The following CSMD2 variants were observed in gnomAD, a reference collection of about 807,000 sequenced individuals.
CSMD2 encodes CUB and sushi domain-containing protein 2.
Under a neutral mutation model 398.5 loss-of-function variants are expected in CSMD2, and 130 were observed. The ratio of observed to expected loss-of-function variants is 0.33; its 90% confidence interval spans 0.28 to 0.38. The LOEUF (loss-of-function observed/expected upper bound fraction) is 0.38, where lower values mean the gene tolerates loss of function less well. CSMD2 is among the 10% of genes least tolerant of loss of function. The pLI, the probability that CSMD2 is intolerant of heterozygous loss-of-function variation, is 1.00. For synonymous variants in CSMD2, 1,828 were observed against 1,908.5 expected (o/e 0.96, Z 1.10); for missense variants, 3,829 against 4,764.9 (o/e 0.80, Z 5.78).
intron 56 of CSMD2, among the ~76,000 whole-genome samples, chr1:33,547,467 C>T (rs1343523044): frequency 6.6e-6 from 1 of 152,216 alleles, no homozygotes; most frequent in East Asian, 1.9e-4. Context: ...CAAATGGTAA[C>T]ATCTGAGTGA....
intron 3 of CSMD2, among the ~76,000 whole-genome samples, chr1:33,946,006 C>G (rs1289955006): frequency 6.6e-6 from 1 of 152,146 alleles, no homozygotes; most frequent in Non-Finnish European, 1.5e-5. Context: ...CCGGTGTGTT[C>G]TATGATACAC....
rs748310158 is a variant in CSMD2, at chr1:33,918,291, G to A, written c.723C>T (p.Ala241=). The A allele has an allele frequency of 1.9e-6, 3 of 1,613,748 alleles. No homozygotes were observed. The highest frequency in any genetic ancestry group is 2.7e-5 in the African/African-American group (2 of 74,938). ...TCTGGCCCCGCAGGGTCCCACCACA[G>A]GCATCATCAGCTGTGGGCACAGAGA... ...FPLPSCRADD[A]CGGTLRGQSG... The change falls in exon 5 of 71, where the codon GCC becomes GCT. Residue 241 remains alanine (A), a synonymous_variant. Coordinates refer to ENST00000373381, the MANE Select transcript of CSMD2 (RefSeq NM_001281956.2).
intron 3 of CSMD2, among the ~76,000 whole-genome samples, chr1:34,023,770 A>T (rs1649253710): frequency 6.6e-6 from 1 of 152,140 alleles, no homozygotes; most frequent in South Asian, 2.1e-4. Context: ...AAATGGAGAG[A>T]AAATTACCCC....
At chr1:33,676,214 C>T (rs1266313409) in intron 25 of CSMD2, among the ~76,000 whole-genome samples, 3 of 152,162 alleles carry the variant, frequency 2.0e-5, no homozygotes, top group Non-Finnish European at 2.9e-5. Flanking sequence ...AAAACCCCAT[C>T]ATCTCAGCCC....
chr1:33,736,614 G>T (rs1469660018), intron 15 of CSMD2, among the ~76,000 whole-genome samples: 1 of 152,218 alleles, frequency 6.6e-6, no homozygotes, highest in African/African-American at 2.4e-5. Flanking sequence ...TCAGGAGGGT[G>T]GCAGGTGGAG....
At chr1:33,823,170 C>G (rs1019087716) in intron 7 of CSMD2, among the ~76,000 whole-genome samples, 4 of 152,192 alleles carry the variant, frequency 2.6e-5, no homozygotes, top group Non-Finnish European at 5.9e-5. Context: ...ACCGCCTCCC[C>G]TTTCCTCAGC....
At chr1:33,947,184 C>T (rs912100850) in intron 3 of CSMD2, among the ~76,000 whole-genome samples, 4 of 152,188 alleles carry the variant, frequency 2.6e-5, no homozygotes, top group Non-Finnish European at 5.9e-5. Context: ...GGTGAGGCTG[C>T]ACACCTGGAA....
chr1:33,596,952 G>C (rs537606849), intron 44 of CSMD2, among the ~76,000 whole-genome samples: 1 of 152,234 alleles, frequency 6.6e-6, no homozygotes, highest in Non-Finnish European at 1.5e-5. Flanking sequence ...TTTGTGTGCT[G>C]TCTGAACATT....
chr1:33,705,167 T>A (rs1645734740), intron 22 of CSMD2, among the ~76,000 whole-genome samples: 1 of 152,174 alleles, frequency 6.6e-6, no homozygotes, highest in African/African-American at 2.4e-5. Context: ...GTAGAAAGTA[T>A]GTTATGATTT....
intron 6 of CSMD2, among the ~76,000 whole-genome samples, chr1:33,837,705 A>G (rs891010273): frequency 1.3e-5 from 2 of 152,250 alleles, no homozygotes; most frequent in African/African-American, 4.8e-5. Flanking sequence ...AGTCATACAC[A>G]TCATACATAT....
intron 62 of CSMD2, among the ~76,000 whole-genome samples, chr1:33,534,131 C>T (rs998606186): frequency 1.3e-5 from 2 of 152,182 alleles, no homozygotes; most frequent in African/African-American, 2.4e-5. Flanking sequence ...TGTAATATTA[C>T]ACTCTGTTGT....
intron 64 of CSMD2, among the ~76,000 whole-genome samples, chr1:33,527,876 G>A (rs1654917286): frequency 6.6e-6 from 1 of 150,904 alleles, no homozygotes; most frequent in African/African-American, 2.4e-5. Flanking sequence ...GGGAGGCGGA[G>A]CTTGCAGTGA....
chr1:34,082,614 C>T (rs1042051171), intron 2 of CSMD2, among the ~76,000 whole-genome samples: 28 of 152,092 alleles, frequency 1.8e-4, no homozygotes, highest in Non-Finnish European at 2.9e-4. Flanking sequence ...ATGACGATGG[C>T]GGTTTTGTCA....
chr1:33,785,466 G>C (rs145955530), intron 12 of CSMD2, among the ~76,000 whole-genome samples: 5 of 152,252 alleles, frequency 3.3e-5, no homozygotes, highest in Admixed American at 3.3e-4. Context: ...CCACACTTGT[G>C]TGTGACCTCA....
intron 3 of CSMD2, among the ~76,000 whole-genome samples, chr1:33,976,170 G>T (rs1454912141): frequency 6.6e-6 from 1 of 152,228 alleles, no homozygotes; most frequent in African/African-American, 2.4e-5. Flanking sequence ...GTGGATGGCT[G>T]CAGGTCTCCA....
At chr1:33,802,200 C>T (rs1655687010) in intron 10 of CSMD2, among the ~76,000 whole-genome samples, 1 of 152,186 alleles carries the variant, frequency 6.6e-6, no homozygotes, top group Admixed American at 6.5e-5. Context: ...GAAGGGAGGG[C>T]ATGGAGGCTG....
chr1:33,554,779 TG>T (rs1211815089), intron 55 of CSMD2, among the ~76,000 whole-genome samples: 12 of 152,284 alleles, frequency 7.9e-5, no homozygotes, highest in Admixed American at 7.2e-4. Flanking sequence ...TGAGACCTAC[TG>T]CTCAGAAAAA....
At chr1:33,677,917 G>A (rs1222117670) in intron 25 of CSMD2, among the ~76,000 whole-genome samples, 13 of 136,888 alleles carry the variant, frequency 9.5e-5, no homozygotes, top group Admixed American at 3.3e-4. Context: ...ATGAGAACAC[G>A]TGGACACAGG....
intron 15 of CSMD2, among the ~76,000 whole-genome samples, chr1:33,736,482 GAA>G (rs879408657): frequency 1.4e-5 from 2 of 138,706 alleles, no homozygotes; most frequent in African/African-American, 5.3e-5. Context: ...CCGTCTCAAA[GAA>G]AAAAAAAAAA....
Sources: gnomAD v4.1 joint callset for allele counts (sites outside exome capture counted in the v4.1 genomes callset) on GRCh38, gnomAD v4.1.1 for gene constraint, MANE v1.5 for transcripts, NCBI Gene and HGNC (gene_info 2026-07-23, HGNC 2026-07-21) for gene names.